APBB2: variants seen among roughly 807,000 people sequenced by gnomAD.
APBB2 encodes the protein Fe65-like 1.
Under a neutral mutation model 82.5 loss-of-function variants are expected in APBB2, and 38 were observed. That is an observed-to-expected ratio of 0.46 (90% confidence interval 0.36 to 0.60). The LOEUF (loss-of-function observed/expected upper bound fraction) is 0.60. APBB2 is among the 20% of genes least tolerant of loss of function. The probability of loss-of-function intolerance (pLI) is 0.00; values close to 1 mark genes in which losing one functional copy is unlikely to be tolerated. For missense variants in APBB2, 772 were observed against 972.3 expected, an observed-to-expected ratio of 0.79 and a Z score of 2.74; for synonymous variants, 341 against 368.2, an observed-to-expected ratio of 0.93 and a Z score of 0.85.
intron 3 of APBB2, among the ~76,000 whole-genome samples, chr4:41,083,673 T>G (rs556237642): frequency 4.1e-4 from 47 of 114,214 alleles, no homozygotes; most frequent in African/African-American, 1.5e-3. Context: ...GGAGACAGAT[T>G]GAGACTCTGT....
chr4:40,952,185 CAAAAAA>C (rs61159163), intron 6 of APBB2, among the ~76,000 whole-genome samples: 20 of 111,186 alleles, frequency 1.8e-4, no homozygotes, highest in African/African-American at 7.0e-4. Context: ...GACTCTGTCT[CAAAAAA>C]AAAAAAAAAA....
At chr4:40,856,989 A>G in intron 12 of APBB2, 12 of 985,520 alleles carry the variant, frequency 1.2e-5, no homozygotes, top group Non-Finnish European at 1.4e-5. Flanking sequence ...ACGCACCTGC[A>G]AACAAAGGAG....
chr4:40,930,210 A>C (rs956662122), intron 10 of APBB2, among the ~76,000 whole-genome samples: 1 of 152,122 alleles, frequency 6.6e-6, no homozygotes, highest in Non-Finnish European at 1.5e-5. Context: ...AATATTAGGG[A>C]AAGTTAGGTG....
chr4:41,180,067 G>A (rs1301181244), intron 1 of APBB2, among the ~76,000 whole-genome samples: 1 of 152,050 alleles, frequency 6.6e-6, no homozygotes, highest in African/African-American at 2.4e-5. Context: ...AAGACAAAAA[G>A]GGAAAGTACA....
chr4:41,029,972 C>T (rs1716055979), intron 5 of APBB2, among the ~76,000 whole-genome samples: 1 of 152,030 alleles, frequency 6.6e-6, no homozygotes, highest in Non-Finnish European at 1.5e-5. Flanking sequence ...CTGGCTAACA[C>T]AGTGAAATCC....
intron 5 of APBB2, among the ~76,000 whole-genome samples, chr4:41,031,429 T>G (rs16852739): frequency 1.3e-5 from 2 of 152,112 alleles, no homozygotes; most frequent in Non-Finnish European, 2.9e-5. Flanking sequence ...TCCACTGAAC[T>G]AGGAATACCT....
chr4:40,983,828 C>T (rs1007780213), intron 6 of APBB2, among the ~76,000 whole-genome samples: 2 of 152,178 alleles, frequency 1.3e-5, no homozygotes, highest in African/African-American at 2.4e-5. Context: ...CCTCCCGCCT[C>T]GGCCTCCCAA....
At chr4:40,965,808 C>G (rs547909470) in intron 6 of APBB2, among the ~76,000 whole-genome samples, 1 of 152,192 alleles carries the variant, frequency 6.6e-6, no homozygotes, top group Non-Finnish European at 1.5e-5. Context: ...TTTGGAGCCT[C>G]AAATTGGAAG....
chr4:41,007,064 AC>A (rs1329918089), intron 6 of APBB2, among the ~76,000 whole-genome samples: 1 of 152,206 alleles, frequency 6.6e-6, no homozygotes, highest in Non-Finnish European at 1.5e-5. Flanking sequence ...CTAAAGCAAC[AC>A]TGCTATAGTC....
intron 4 of APBB2, among the ~76,000 whole-genome samples, chr4:41,037,581 T>C (rs1719721070): frequency 6.6e-6 from 1 of 152,210 alleles, no homozygotes; most frequent in Non-Finnish European, 1.5e-5. Flanking sequence ...GCAAGACATT[T>C]ATCATCCCTG....
At chr4:40,868,811 A>T (rs1483894654) in intron 12 of APBB2, among the ~76,000 whole-genome samples, 1 of 152,154 alleles carries the variant, frequency 6.6e-6, no homozygotes, top group Non-Finnish European at 1.5e-5. Flanking sequence ...ACCACCAAAG[A>T]GCCATTTTAT....
At position 41,115,907 on chromosome 4, in the gene APBB2, C is replaced by T. The variant is rs372301738; in HGVS notation, c.-260-15157G>A. ...TCAACCATTGTGGAAGACAGTGTGG[C>T]GATTCCTCGAGGATCTAGAACCAGA... On this transcript the variant is annotated intron_variant, in intron 2 of 17. Transcript: ENST00000508593. Among the ~76,000 whole-genome samples, 7 of 152,136 alleles carry T rather than the reference C, an allele frequency of 4.6e-5. No homozygotes were observed. In the East Asian group the frequency reaches 5.8e-4, roughly 13 times the overall value.
rs115098994 is a variant in APBB2, at chr4:40,924,205, C to A, written c.1254+10251G>T. On this transcript the variant is annotated intron_variant, in intron 10 of 17. Coordinates refer to ENST00000508593, the MANE Select transcript of APBB2 (RefSeq NM_004307.2). Reference sequence around the variant, plus strand: ...CAACCTAAAAGCCATGCATGAGAGGCTGAATCTCATTCAGCCAGGACTTGA... The same window carrying A: ...CAACCTAAAAGCCATGCATGAGAGGATGAATCTCATTCAGCCAGGACTTGA... 9.6e-3 allele frequency among the ~76,000 whole-genome samples: 1,456 copies of A among 152,328 alleles called. 17 individuals carry two copies. The highest frequency in any genetic ancestry group is 0.034 in the African/African-American group (1,406 of 41,576).
intron 1 of APBB2, among the ~76,000 whole-genome samples, chr4:41,156,891 C>A (rs1303755553): frequency 1.3e-5 from 2 of 151,848 alleles, no homozygotes; most frequent in African/African-American, 2.4e-5. Context: ...CATGGGAAAA[C>A]CCCCGTCTCT....
intron 6 of APBB2, among the ~76,000 whole-genome samples, chr4:40,987,201 ACAATAT>A (rs1377934751): frequency 6.8e-6 from 1 of 147,212 alleles, no homozygotes; most frequent in Admixed American, 6.9e-5. Context: ...TCAAAGTTAA[ACAATAT>A]GATACTAAGC....
chr4:40,877,911 T>C (rs976897068), intron 12 of APBB2, among the ~76,000 whole-genome samples: 9 of 152,310 alleles, frequency 5.9e-5, no homozygotes, highest in Admixed American at 2.6e-4. Context: ...GTACAGGGCA[T>C]GGGGCTCGTG....
chr4:40,834,436 G>A lies in APBB2; in HGVS notation c.1530-3859C>T, dbSNP rs144606510. Among the ~76,000 whole-genome samples, 180 of 152,282 alleles carry A rather than the reference G, an allele frequency of 1.2e-3. 2 individuals carry two copies. Among genetic ancestry groups the A allele is most frequent in the African/African-American group, 4.0e-3 (165 of 41,562 alleles). ...TCTATGGACAATGAAACATACAAGC[G>A]ATCGAATTTCATTGATTTAAGACGA... On this transcript the variant is annotated intron_variant, in intron 12 of 17. Transcript: ENST00000508593.
chr4:40,959,814 G>A (rs1162106052), intron 6 of APBB2, among the ~76,000 whole-genome samples: 2 of 152,094 alleles, frequency 1.3e-5, no homozygotes, highest in African/African-American at 2.4e-5. Flanking sequence ...CACTTCCAGA[G>A]CACTACAGGA....
At chr4:41,006,123 A>AT (rs1806650599) in intron 6 of APBB2, among the ~76,000 whole-genome samples, 1 of 152,184 alleles carries the variant, frequency 6.6e-6, no homozygotes, top group South Asian at 2.1e-4. Flanking sequence ...TGGAACATAT[A>AT]TTTTTGCATA....
Sources: gnomAD v4.1 joint callset for allele counts (sites outside exome capture counted in the v4.1 genomes callset) on GRCh38, gnomAD v4.1.1 for gene constraint, MANE v1.5 for transcripts, NCBI Gene and HGNC (gene_info 2026-07-23, HGNC 2026-07-21) for gene names.